Variants in PPA2 observed in about 807,000 individuals in gnomAD.
The protein encoded by PPA2 is inorganic pyrophosphatase 2.
PPA2 carries 48 observed loss-of-function variants against 49.5 expected under a neutral mutation model. The ratio of observed to expected loss-of-function variants is 0.97; its 90% CI spans 0.77 to 1.23. The LOEUF (loss-of-function observed/expected upper bound fraction) is 1.23. PPA2 is among the 50% of genes most tolerant of loss of function. The pLI is 0.00. For missense variants in PPA2, 429 were observed against 410.1 expected (o/e 1.05, Z -0.40); for synonymous variants, 131 against 139.9 (o/e 0.94, Z 0.45).
At chr4:105,405,931 C>T in intron 7 of PPA2, 1 of 433,904 alleles carries the variant, frequency 2.3e-6, no homozygotes, top group Non-Finnish European at 4.6e-6. Context: ...ATTGTATATA[C>T]TGGAATATTT....
intron 5 of PPA2, among the ~76,000 whole-genome samples, chr4:105,442,670 C>T (rs962328510): frequency 2.0e-5 from 3 of 152,144 alleles, no homozygotes; most frequent in Admixed American, 2.0e-4. Context: ...TTGAGGAAGG[C>T]ATTATTAGGA....
intron 9 of PPA2, among the ~76,000 whole-genome samples, chr4:105,393,359 T>G (rs531396955): frequency 1.6e-4 from 24 of 151,610 alleles, no homozygotes; most frequent in Non-Finnish European, 2.2e-4. Context: ...CCAGGTGTGG[T>G]GGTGCATGCC....
chr4:105,449,516 G>T, intron 3 of PPA2, 113 bp from the exon 4 acceptor site: 1 of 614,352 alleles, frequency 1.6e-6, no homozygotes, highest in Non-Finnish European at 2.7e-6. Context: ...AAAAAATGTT[G>T]AGTCTCCATC....
chr4:105,413,065 A>C (rs939297452), intron 7 of PPA2, among the ~76,000 whole-genome samples: 5 of 152,258 alleles, frequency 3.3e-5, no homozygotes, highest in African/African-American at 1.2e-4. Context: ...ATAATAGCAA[A>C]GACTTGGAAC....
intron 7 of PPA2, among the ~76,000 whole-genome samples, chr4:105,420,078 T>G (rs942202380): frequency 2.0e-5 from 3 of 152,142 alleles, no homozygotes; most frequent in African/African-American, 7.2e-5. Flanking sequence ...GTTCAAGTGA[T>G]TCTCTTGCCT....
chr4:105,436,753 A>G (rs1253508203), intron 6 of PPA2, among the ~76,000 whole-genome samples: 1 of 152,172 alleles, frequency 6.6e-6, no homozygotes, highest in African/African-American at 2.4e-5. Context: ...GGTACTGGGA[A>G]AACTGGCTAG....
At chr4:105,460,856 C>CATATATATAT (rs1491341057) in intron 1 of PPA2, among the ~76,000 whole-genome samples, 12 of 139,260 alleles carry the variant, frequency 8.6e-5, no homozygotes, top group African/African-American at 2.9e-4. Context: ...GATGTAAGAT[C>CATATATATAT]ACATATATAT....
intron 8 of PPA2, chr4:105,398,328 A>G (rs1734226832): frequency 8.0e-6 from 1 of 124,474 alleles, no homozygotes; most frequent in Non-Finnish European, 1.9e-5. Flanking sequence ...ATGTGCTTTC[A>G]AAAAAACACT....
At chr4:105,407,643 G>A (rs371580949) in intron 7 of PPA2, among the ~76,000 whole-genome samples, 10 of 152,238 alleles carry the variant, frequency 6.6e-5, no homozygotes, top group Non-Finnish European at 5.9e-5. Flanking sequence ...ATGGAAGACC[G>A]TTCAATAATA....
chr4:105,420,221 C>T (rs1273704856), intron 7 of PPA2, among the ~76,000 whole-genome samples: 2 of 152,106 alleles, frequency 1.3e-5, no homozygotes, highest in Admixed American at 1.3e-4. Context: ...ATCTGCCTGC[C>T]TTGGCCTCTT....
At chr4:105,416,809 C>T (rs1723033398) in intron 7 of PPA2, among the ~76,000 whole-genome samples, 1 of 152,140 alleles carries the variant, frequency 6.6e-6, no homozygotes, top group African/African-American at 2.4e-5. Flanking sequence ...CTTGCCCTTT[C>T]CTTCTCCATT....
intron 9 of PPA2, among the ~76,000 whole-genome samples, chr4:105,394,396 A>AAAGAG (rs1553924729): frequency 7.6e-5 from 5 of 65,912 alleles, no homozygotes; most frequent in Non-Finnish European, 1.8e-4. Flanking sequence ...AAAAAGAAAG[A>AAAGAG]AAAAAAAAGA....
chr4:105,434,690 A>T (rs1452773101), intron 6 of PPA2, among the ~76,000 whole-genome samples: 4 of 152,230 alleles, frequency 2.6e-5, no homozygotes, highest in Non-Finnish European at 5.9e-5. Context: ...AATTTATTTT[A>T]AAATTTCAAA....
chr4:105,453,794 C>G lies in PPA2; in HGVS notation c.223-152G>C, dbSNP rs73836211. Reference sequence around the variant, plus strand: ...CAGAGAACCTACCAAATGCCCACTTCGTTCTCCCCTGAGCATTTGTATCCC... The same window carrying G: ...CAGAGAACCTACCAAATGCCCACTTGGTTCTCCCCTGAGCATTTGTATCCC... On this transcript the variant is annotated intron_variant, in intron 2 of 11. Transcript: ENST00000341695. 1.6e-3 allele frequency: 780 copies of G among 500,154 alleles called. 5 individuals are homozygous for G. Among genetic ancestry groups the G allele is most frequent in the African/African-American group, 0.012 (592 of 50,438 alleles). 31.0% of individuals were successfully genotyped at this position (500,154 alleles called of 1,614,324 possible). A position where few individuals can be genotyped will look rare whatever the true frequency, so the allele number is the denominator to read the frequency against.
rs1250976193 is a variant in PPA2, at chr4:105,401,587, A to T, written c.656-2423T>A. ...GATTAGATATATTTTTTTACAATCT[A>T]TGTTATTTTAAGAAAAGTGGCAGTT... On this transcript the variant is annotated intron_variant, in intron 7 of 11. Transcript: ENST00000341695. Among the ~76,000 whole-genome samples the T allele has an allele frequency of 2.0e-5, 3 of 152,254 alleles. No individual in the cohort carries two copies. The East Asian group carries it at 5.8e-4, about 29-fold the overall frequency.
chr4:105,427,068 G>A (rs945133090), intron 6 of PPA2, among the ~76,000 whole-genome samples: 5 of 152,286 alleles, frequency 3.3e-5, no homozygotes, highest in African/African-American at 7.2e-5. Flanking sequence ...GGTCTGGAGT[G>A]GACCTCCAGC....
chr4:105,435,071 G>A (rs1484988501), intron 6 of PPA2, among the ~76,000 whole-genome samples: 1 of 152,086 alleles, frequency 6.6e-6, no homozygotes, highest in African/African-American at 2.4e-5. Flanking sequence ...TATATCTGTG[G>A]TTCTAAGTCT....
Position 105,380,483 on chromosome 4 carries a change from T to C in PPA2, c.939+6084A>G, listed in dbSNP as rs1008638108. On this transcript the variant is annotated intron_variant, in intron 10 of 11. Coordinates refer to ENST00000341695, the MANE Select transcript of PPA2 (RefSeq NM_176869.3). The stretch of plus-strand genomic sequence containing the variant: ...TTTTTAAATTGTTTTTCTGGGCATA[T>C]AAATTTTTTAAATCACGAAGTACTT... Among the ~76,000 whole-genome samples the C allele has an allele frequency of 2.0e-5, 3 of 152,182 alleles. No homozygotes were observed. The South Asian group carries it at 6.2e-4, about 31-fold the overall frequency.
chr4:105,421,943 T>C (rs1263978496), intron 7 of PPA2, among the ~76,000 whole-genome samples: 4 of 152,062 alleles, frequency 2.6e-5, no homozygotes, highest in Non-Finnish European at 5.9e-5. Context: ...GTCAGGAGGC[T>C]GAGGCACAAG....
Sources: gnomAD v4.1 joint callset for allele counts (sites outside exome capture counted in the v4.1 genomes callset) on GRCh38, gnomAD v4.1.1 for gene constraint, MANE v1.5 for transcripts, NCBI Gene and HGNC (gene_info 2026-07-23, HGNC 2026-07-21) for gene names.